The following CCDC171 variants were observed in gnomAD, a reference collection of about 807,000 sequenced individuals.
The protein encoded by CCDC171 is coiled-coil domain containing 171.
CCDC171 carries 177 observed loss-of-function variants against 168.2 expected under a neutral mutation model. The observed-to-expected ratio is 1.05, with a 90% CI of 0.93 to 1.19. The LOEUF is 1.19. Among genes scored for constraint, CCDC171 ranks in the 50% most tolerant of loss-of-function variants. The pLI, the probability that CCDC171 is intolerant of heterozygous loss-of-function variation, is 0.00. For synonymous variants in CCDC171, 687 were observed against 540.8 expected, an observed-to-expected ratio of 1.27 and a Z score of -3.75; for missense variants, 1,991 against 1,539.0, an observed-to-expected ratio of 1.29 and a Z score of -4.91.
intron 23 of CCDC171, among the ~76,000 whole-genome samples, chr9:15,865,399 T>C (rs1161460011): frequency 6.6e-6 from 1 of 151,974 alleles, no homozygotes; most frequent in Non-Finnish European, 1.5e-5. Context: ...TGTGTGTGTA[T>C]GTATGTATAT....
intron 3 of CCDC171, among the ~76,000 whole-genome samples, chr9:15,983,836 G>A (rs1444467704): frequency 1.3e-5 from 2 of 150,904 alleles, no homozygotes; most frequent in Admixed American, 6.6e-5. Flanking sequence ...GTGTGTGTGT[G>A]TGTGTGTGTG....
rs1242997533 is a variant in CCDC171 at position 15,864,587 on chromosome 9, T to TTGGAGAAGCTC, written c.3469-9944_3469-9943insGGAGAAGCTCT. On this transcript the variant is annotated intron_variant, in intron 23 of 25. Transcript: ENST00000380701. ...TTTGGTTTTTTGTCCTTGCGATAGT[T>TTGGAGAAGCTC]TAATTAGAGCTTCTCCAAATGTGCC... 8.6e-3 allele frequency among the ~76,000 whole-genome samples: 1,308 copies of TTGGAGAAGCTC among 152,160 alleles called. 1 individual carries two copies. The highest frequency in any genetic ancestry group is 0.03 in the African/African-American group (1,244 of 41,522).
intron 9 of CCDC171, among the ~76,000 whole-genome samples, chr9:15,673,774 A>G (rs1292385647): frequency 6.6e-6 from 1 of 152,200 alleles, no homozygotes; most frequent in Non-Finnish European, 1.5e-5. Context: ...GGATTTTCGC[A>G]TCGATGTTCG....
chr9:15,754,891 T>C (rs1247938411), intron 18 of CCDC171, among the ~76,000 whole-genome samples: 3 of 152,158 alleles, frequency 2.0e-5, no homozygotes, highest in Non-Finnish European at 2.9e-5. Context: ...GAATAATAAA[T>C]AGATTTTGTA....
chr9:15,837,229 G>T (rs1454290840), intron 21 of CCDC171, among the ~76,000 whole-genome samples: 1 of 152,056 alleles, frequency 6.6e-6, no homozygotes, highest in African/African-American at 2.4e-5. Flanking sequence ...CATTTTCTAG[G>T]CTCCAGAAGC....
chr9:16,017,546 A>G (rs1183928171), intron 3 of CCDC171, among the ~76,000 whole-genome samples: 1 of 151,878 alleles, frequency 6.6e-6, no homozygotes, highest in African/African-American at 2.4e-5. Flanking sequence ...TAAAGAAAAT[A>G]AACTTTCAAA....
At chr9:15,962,035 CAT>C (rs1356344253) in intron 25 of CCDC171, among the ~76,000 whole-genome samples, 1 of 152,092 alleles carries the variant, frequency 6.6e-6, no homozygotes, top group Non-Finnish European at 1.5e-5. Context: ...AGAATAATAA[CAT>C]ATCATGACAC....
At chr9:16,036,837 C>G (rs1411996323) in intron 8 of CCDC171, among the ~76,000 whole-genome samples, 1 of 123,560 alleles carries the variant, frequency 8.1e-6, no homozygotes, top group Non-Finnish European at 1.8e-5. Flanking sequence ...CTATACTATT[C>G]AGCCATAAAA....
chr9:15,903,376 A>T (rs939623508), intron 24 of CCDC171, among the ~76,000 whole-genome samples: 1 of 152,092 alleles, frequency 6.6e-6, no homozygotes, highest in East Asian at 1.9e-4. Flanking sequence ...CTGTTCACCA[A>T]TATCCGCTGT....
chr9:15,561,527 T>C (rs551626033), intron 1 of CCDC171, among the ~76,000 whole-genome samples: 48 of 152,328 alleles, frequency 3.2e-4, no homozygotes, highest in East Asian at 7.7e-4. Flanking sequence ...TTAAGGGCAC[T>C]GTAGTTCTTT....
At position 15,764,841 on chromosome 9, in the gene CCDC171, C is replaced by G. The variant is rs372572626; in HGVS notation, c.2672-12759C>G. Among the ~76,000 whole-genome samples the G allele has an allele frequency of 5.9e-4, 90 of 152,238 alleles. 1 individual carries two copies. The South Asian group carries it at 0.019, about 32-fold the overall frequency. On this transcript the variant is annotated intron_variant, in intron 18 of 25. Coordinates refer to ENST00000380701, the MANE Select transcript of CCDC171 (RefSeq NM_173550.4). ...GTGGAGCTTTTTAAAAATAGTGAAGCCTGCATTCCACCCAGATTTTGGCTG... is the reference window on the plus strand; with the variant it reads ...GTGGAGCTTTTTAAAAATAGTGAAGGCTGCATTCCACCCAGATTTTGGCTG...
At chr9:15,896,190 T>C (rs575383882) in intron 24 of CCDC171, among the ~76,000 whole-genome samples, 7 of 152,080 alleles carry the variant, frequency 4.6e-5, no homozygotes, top group Non-Finnish European at 1.0e-4. Context: ...GATTCAGTTC[T>C]ACTTGGAAGT....
At chr9:15,601,863 A>G (rs943596912) in intron 6 of CCDC171, among the ~76,000 whole-genome samples, 2 of 152,254 alleles carry the variant, frequency 1.3e-5, no homozygotes, top group African/African-American at 4.8e-5. Context: ...TTTATAAAAT[A>G]TAATTCAAAG....
upstream of CCDC171, among the ~76,000 whole-genome samples, chr9:16,039,596 C>A: frequency 6.6e-6 from 1 of 152,184 alleles, no homozygotes; most frequent in Non-Finnish European, 1.5e-5. Flanking sequence ...TCCATAAACT[C>A]GTCTAGCCTC....
intron 6 of CCDC171, among the ~76,000 whole-genome samples, chr9:16,030,810 T>TGG (rs1833353943): frequency 6.6e-6 from 1 of 152,196 alleles, no homozygotes; most frequent in African/African-American, 2.4e-5. Flanking sequence ...CCACTCCATG[T>TGG]GATCGCTTCC....
intron 6 of CCDC171, among the ~76,000 whole-genome samples, chr9:15,598,993 T>G (rs2042610490): frequency 6.6e-6 from 1 of 152,176 alleles, no homozygotes; most frequent in African/African-American, 2.4e-5. Context: ...TTGTTTTCCA[T>G]TTGCTTGGTG....
intron 25 of CCDC171, among the ~76,000 whole-genome samples, chr9:15,933,894 C>A (rs1040146139): frequency 2.0e-5 from 3 of 151,678 alleles, no homozygotes; most frequent in Non-Finnish European, 2.9e-5. Flanking sequence ...AGATATGACA[C>A]CAAAAGGATA....
intron 1 of CCDC171, among the ~76,000 whole-genome samples, chr9:16,044,034 T>C (rs902311404): frequency 6.6e-6 from 1 of 152,206 alleles, no homozygotes; most frequent in East Asian, 1.9e-4. Context: ...CAGCATTTGA[T>C]TGGGAAGAGG....
intron 25 of CCDC171, among the ~76,000 whole-genome samples, chr9:15,964,863 C>T (rs1008454169): frequency 5.9e-5 from 9 of 152,232 alleles, no homozygotes; most frequent in East Asian, 1.9e-4. Flanking sequence ...TGGGTTCGAG[C>T]GATTCTCCTG....
Sources: allele counts gnomAD v4.1 joint callset (sites outside exome capture counted in the v4.1 genomes callset), GRCh38; gene constraint gnomAD v4.1.1; transcripts MANE v1.5; gene names NCBI Gene and HGNC (gene_info 2026-07-23, HGNC 2026-07-21).